Variants in LGALS14 observed in about 807,000 individuals in gnomAD.
LGALS14 encodes the protein galectin 14.
In LGALS14, 14 loss-of-function variants were observed where a neutral mutation model predicts 14.6. The observed-to-expected ratio is 0.96, with a 90% CI of 0.64 to 1.50. LGALS14 has a LOEUF of 1.50. Ranked by LOEUF, LGALS14 falls within the 40% of genes most tolerant of loss-of-function variation. The probability of loss-of-function intolerance (pLI) is 0.00; values close to 1 mark genes in which losing one functional copy is unlikely to be tolerated. For missense variants in LGALS14, 180 were observed against 172.0 expected (o/e 1.05, Z -0.26); for synonymous variants, 57 against 63.9 (o/e 0.89, Z 0.51).
At position 39,706,679 on chromosome 19, in the gene LGALS14, T is replaced by C. The variant is rs538460747; in HGVS notation, c.92+6T>C. The C allele has an allele frequency of 6.2e-6, 10 of 1,605,840 alleles. No homozygotes were observed. In the African/African-American group the frequency reaches 1.3e-4, roughly 21 times the overall value. On this transcript the variant is annotated splice_donor_region_variant and intron_variant, in intron 2 of 3. Transcript: ENST00000392052. Reference sequence around the variant, plus strand: ...ACACCGATCCTCACTTTTGTGTGAGTACTCCATGGTCCAATGGAGGGGGTG... The same window carrying C: ...ACACCGATCCTCACTTTTGTGTGAGCACTCCATGGTCCAATGGAGGGGGTG...
chr19:39,707,146 C>A (rs775795634), intron 2 of LGALS14, 32 bp from the exon 3 acceptor site: 9 of 1,542,664 alleles, frequency 5.8e-6, no homozygotes, highest in Non-Finnish European at 7.2e-6. Context: ...AATGGGGGGA[C>A]CTGCCCAACA....
chr19:39,706,029 A>T (rs1973710461), intron 1 of LGALS14: 1 of 1,612,886 alleles, frequency 6.2e-7, no homozygotes, highest in African/African-American at 1.3e-5. Flanking sequence ...CATCCCACAC[A>T]CAGGGGTTTC....
chr19:39,707,048 G>C (rs1973724692), intron 2 of LGALS14, 130 bp from the exon 3 acceptor site: 1 of 721,078 alleles, frequency 1.4e-6, no homozygotes, highest in Non-Finnish European at 2.5e-6. Context: ...TCCCCACAGG[G>C]ACCAGGACTG....
intron 1 of LGALS14, among the ~76,000 whole-genome samples, chr19:39,705,113 CATGTGTGGCA>C (rs1370559690): frequency 6.6e-6 from 1 of 152,178 alleles, no homozygotes; most frequent in Non-Finnish European, 1.5e-5. Flanking sequence ...TGTGTCTTTT[CATGTGTGGCA>C]ATGTGGATCC....
At chr19:39,709,037 G>A (rs759940675) in intron 3 of LGALS14, among the ~76,000 whole-genome samples, 160 bp from the exon 4 acceptor site, 14 of 152,152 alleles carry the variant, frequency 9.2e-5, no homozygotes, top group Non-Finnish European at 1.6e-4. Flanking sequence ...AAATAGGCAC[G>A]AAACATAGCC....
Position 39,707,378 on chromosome 19 carries a change from A to G in LGALS14, c.293A>G (p.Lys98Arg), listed in dbSNP as rs1405459590. 2 of 1,613,612 alleles carry G rather than the reference A, an allele frequency of 1.2e-6. No individual in the cohort carries two copies. Among genetic ancestry groups the G allele is most frequent in the African/African-American group, 2.7e-5 (2 of 74,928 alleles). ...PFELCIYVRH[K>R]EYKVMVNGQR... Reference sequence around the variant, plus strand: ...GAGCTGTGCATCTATGTGCGTCACAAGGAATACAAGGTGAGTACTTCAGGA... The same window carrying G: ...GAGCTGTGCATCTATGTGCGTCACAGGGAATACAAGGTGAGTACTTCAGGA... The change falls in exon 3 of 4, where the codon AAG (lysine) becomes AGG (arginine). Residue 98 changes from lysine (K) to arginine (R), a missense_variant. Coordinates refer to ENST00000392052, the MANE Select transcript of LGALS14 (RefSeq NM_020129.3).
chr19:39,706,804 C>T, intron 2 of LGALS14, 131 bp downstream of exon 2: 1 of 779,100 alleles, frequency 1.3e-6, no homozygotes, highest in South Asian at 1.6e-5. Flanking sequence ...AAGTGCAGGC[C>T]CTGGAGACCT....
chr19:39,705,274 G>C (rs142399633), intron 1 of LGALS14, among the ~76,000 whole-genome samples: 2 of 152,282 alleles, frequency 1.3e-5, no homozygotes, highest in East Asian at 3.9e-4. Context: ...TTATGGGAGA[G>C]ATGGTTCCTC....
At chr19:39,705,481 C>T (rs569461971) in intron 1 of LGALS14, among the ~76,000 whole-genome samples, 33 of 152,268 alleles carry the variant, frequency 2.2e-4, no homozygotes, top group African/African-American at 7.2e-4. Context: ...TGAACTGAGA[C>T]TAAACTTGTT....
At chr19:39,706,990 A>T (rs1170399247) in intron 2 of LGALS14, among the ~76,000 whole-genome samples, 188 bp from the exon 3 acceptor site, 2 of 152,190 alleles carry the variant, frequency 1.3e-5, no homozygotes, top group Non-Finnish European at 1.5e-5. Context: ...TTGTCTGGGG[A>T]TGAGGAACAC....
In LGALS14 at chr19:39,709,241, C is replaced by T. The variant is rs1019038486; in HGVS notation, c.348C>T (p.Phe116=). The change falls in exon 4 of 4, where the codon TTC becomes TTT. Residue 116 remains phenylalanine (F), a synonymous_variant. Coordinates refer to ENST00000392052, the MANE Select transcript of LGALS14 (RefSeq NM_020129.3). ...GQRIYNFAHR[F]PPASVKMLQV... ...GCATTTACAACTTTGCCCATCGATTCCCGCCAGCATCTGTGAAGATGCTGC... is the reference window on the plus strand; with the variant it reads ...GCATTTACAACTTTGCCCATCGATTTCCGCCAGCATCTGTGAAGATGCTGC... 5 of 1,613,624 alleles carry T rather than the reference C, an allele frequency of 3.1e-6. No individual in the cohort carries two copies. The highest frequency in any genetic ancestry group is 4.2e-6 in the Non-Finnish European group (5 of 1,179,640).
chr19:39,704,784 T>A (rs147133805), intron 1 of LGALS14, among the ~76,000 whole-genome samples: 2 of 152,088 alleles, frequency 1.3e-5, no homozygotes, highest in Admixed American at 1.3e-4. Flanking sequence ...GAGAGTGAAC[T>A]CTGCTGAGAT....
Position 39,709,407 on chromosome 19 carries a change from C to T in LGALS14, c.*94C>T, listed in dbSNP as rs1368638320. The stretch of plus-strand genomic sequence containing the variant: ...TACTAACAGAATAATCCCTCCTCAC[C>T]CCTTCCCCTACACTTGATCATTAAA... On this transcript the variant is annotated 3_prime_UTR_variant, in exon 4 of 4. Transcript: ENST00000392052. 4.1e-5 allele frequency: 30 copies of T among 730,362 alleles called. 1 individual carries two copies. The highest frequency in any genetic ancestry group is 2.8e-4 in the African/African-American group (16 of 57,536). The allele number at this position is 730,362 out of a possible 1,614,324, so 45.2% of individuals were successfully genotyped here. A position where few individuals can be genotyped will look rare whatever the true frequency, so the allele number is the denominator to read the frequency against.
At chr19:39,705,669 G>A in intron 1 of LGALS14, 2 of 434,090 alleles carry the variant, frequency 4.6e-6, no homozygotes, top group South Asian at 4.8e-5. Flanking sequence ...ATAGTGATAT[G>A]CTTTCTTTAA....
intron 1 of LGALS14, among the ~76,000 whole-genome samples, chr19:39,705,372 G>C (rs1413364570): frequency 6.6e-6 from 1 of 152,146 alleles, no homozygotes; most frequent in Non-Finnish European, 1.5e-5. Context: ...TCCCATTGTG[G>C]AACAGGCGAG....
chr19:39,707,372 G>A lies in LGALS14; in HGVS notation c.287G>A (p.Arg96His), dbSNP rs979085515. ...CCATTTGAGCTGTGCATCTATGTGC[G>A]TCACAAGGAATACAAGGTGAGTACT... ...GKPFELCIYVRHKEYKVMVNG... is the reference protein window; with the variant it reads ...GKPFELCIYVHHKEYKVMVNG... The change falls in exon 3 of 4, where the codon CGT becomes CAT. Residue 96 changes from arginine to histidine, a missense_variant. By Grantham distance (29) the Arg-to-His change is conservative (BLOSUM62 0). Coordinates refer to ENST00000392052, the MANE Select transcript of LGALS14 (RefSeq NM_020129.3). 8.1e-6 allele frequency: 13 copies of A among 1,613,770 alleles called. No individual in the cohort carries two copies. Among genetic ancestry groups the A allele is most frequent in the East Asian group, 4.5e-5 (2 of 44,896 alleles).
intron 1 of LGALS14, among the ~76,000 whole-genome samples, chr19:39,704,998 G>A (rs1973693732): frequency 6.6e-6 from 1 of 152,152 alleles, no homozygotes; most frequent in African/African-American, 2.4e-5. Context: ...GACTATGGGT[G>A]TGTGTGCTGG....
rs1167845224 is a variant in LGALS14 at position 39,709,397 on chromosome 19, C to G, written c.*84C>G. 4.0e-6 allele frequency: 3 copies of G among 752,758 alleles called. No individual in the cohort carries two copies. The African/African-American group carries it at 5.2e-5, about 13-fold the overall frequency. 46.6% of individuals were successfully genotyped at this position (752,758 alleles called of 1,614,324 possible). ...TCCCAGAGCCTACTAACAGAATAATCCCTCCTCACCCCTTCCCCTACACTT... is the reference window on the plus strand; with the variant it reads ...TCCCAGAGCCTACTAACAGAATAATGCCTCCTCACCCCTTCCCCTACACTT... On this transcript the variant is annotated 3_prime_UTR_variant, in exon 4 of 4. Transcript: ENST00000392052.
At chr19:39,708,221 T>C (rs892378010) in intron 3 of LGALS14, among the ~76,000 whole-genome samples, 33 of 152,338 alleles carry the variant, frequency 2.2e-4, no homozygotes, top group African/African-American at 7.9e-4. Context: ...AGCAACTAAG[T>C]TGATTTGTTG....
Sources: gnomAD v4.1 joint callset for allele counts (sites outside exome capture counted in the v4.1 genomes callset) on GRCh38, gnomAD v4.1.1 for gene constraint, MANE v1.5 for transcripts, NCBI Gene and HGNC (gene_info 2026-07-23, HGNC 2026-07-21) for gene names.